Variants in COPE observed in about 807,000 individuals in gnomAD.
The protein encoded by COPE is coatomer subunit epsilon.
COPE carries 19 observed loss-of-function variants against 42.1 expected under a neutral mutation model. The observed-to-expected ratio is 0.45, with a 90% CI of 0.31 to 0.66. The LOEUF (loss-of-function observed/expected upper bound fraction) is 0.66. Among genes scored for constraint, COPE ranks in the 30% least tolerant of loss-of-function variants. The pLI is 0.05. For missense variants in COPE, 402 were observed against 416.1 expected (o/e 0.97, Z 0.30); for synonymous variants, 195 against 181.3 (o/e 1.08, Z -0.60).
rs369204587 is a variant in COPE at position 18,913,108 on chromosome 19, G to C, written c.127-62C>G. ...AGGCCCAGCGCAGCCCACACAGGGT[G>C]AGCATGACAGACAGGCCCCTGTACA... On this transcript the variant is annotated intron_variant, in intron 1 of 9. Coordinates refer to ENST00000262812, the MANE Select transcript of COPE (RefSeq NM_007263.4). The C allele has an allele frequency of 3.4e-3, 4,866 of 1,439,352 alleles. 20 individuals carry two copies. The highest frequency in any genetic ancestry group is 7.5e-3 in the Middle Eastern group (43 of 5,712). 89.2% of individuals were successfully genotyped at this position (1,439,352 alleles called of 1,614,324 possible). A position where few individuals can be genotyped will look rare whatever the true frequency, so the allele number is the denominator to read the frequency against.
At chr19:18,912,366 G>T (rs889496075) in intron 2 of COPE, among the ~76,000 whole-genome samples, 2 of 151,530 alleles carry the variant, frequency 1.3e-5, no homozygotes, top group Non-Finnish European at 2.9e-5. Context: ...GCCCAGGCTG[G>T]TCTTGAACTC....
Position 18,919,298 on chromosome 19 carries a change from G to A in COPE, c.51C>T (p.Asp17=). The stretch of plus-strand genomic sequence containing the variant: ...AGGCGTTCTTTACGTCGAACAGCTC[G>A]TCTACCTCCCCGGAGCCGCCGGAGG... ...GPASGGSGEV[D]ELFDVKNAFY... The change falls in exon 1 of 10, where the codon GAC becomes GAT. Residue 17 remains aspartate (D), a synonymous_variant. Transcript: ENST00000262812. 4 of 1,613,882 alleles carry A rather than the reference G, an allele frequency of 2.5e-6. No homozygotes were observed. Among genetic ancestry groups the A allele is most frequent in the Non-Finnish European group, 3.4e-6 (4 of 1,180,002 alleles).
chr19:18,918,308 T>TA (rs981634553), intron 1 of COPE, among the ~76,000 whole-genome samples: 1 of 151,910 alleles, frequency 6.6e-6, no homozygotes. Flanking sequence ...AAGCCTCTGA[T>TA]AAACTCTCCG....
At chr19:18,905,873 T>A (rs2056754325) in intron 4 of COPE, 1 of 547,302 alleles carries the variant, frequency 1.8e-6, no homozygotes, top group South Asian at 2.4e-5. Flanking sequence ...TCACCGCCCA[T>A]CTGGAGAAGC....
chr19:18,912,879 G>T, intron 2 of COPE, 105 bp downstream of exon 2: 1 of 1,117,140 alleles, frequency 9.0e-7, no homozygotes, highest in Non-Finnish European at 1.3e-6. Context: ...CTGGGTCCCT[G>T]CTTTGTTTAC....
chr19:18,911,116 G>A lies in COPE; in HGVS notation c.190-45C>T, dbSNP rs775085046. On this transcript the variant is annotated intron_variant, in intron 2 of 9. Transcript: ENST00000262812. Reference sequence around the variant, plus strand: ...TCAGCTGCACCCGTCCACCCCAGAGGATTTCCATGTCTTCAGCTTGGCAGG... The same window carrying A: ...TCAGCTGCACCCGTCCACCCCAGAGAATTTCCATGTCTTCAGCTTGGCAGG... 5.8e-6 allele frequency: 9 copies of A among 1,548,062 alleles called. No homozygotes were observed. In the South Asian group the frequency reaches 1.0e-4, roughly 17 times the overall value.
chr19:18,913,248 C>T (rs2056827214), intron 1 of COPE, among the ~76,000 whole-genome samples: 1 of 152,176 alleles, frequency 6.6e-6, no homozygotes, highest in African/African-American at 2.4e-5. Flanking sequence ...CTGATCTCAT[C>T]CCGCGCTGAC....
chr19:18,916,343 ACT>A (rs1460127937), intron 1 of COPE, among the ~76,000 whole-genome samples: 2 of 145,640 alleles, frequency 1.4e-5, no homozygotes, highest in Non-Finnish European at 1.5e-5. Context: ...ACAGAGTTAG[ACT>A]CTGTCTCAAA....
In COPE at chr19:18,902,793, G is replaced by GAAAGGAAGGA. The variant is rs146837423; in HGVS notation, c.735+474_735+475insTCCTTCCTTT. 2.0e-3 allele frequency among the ~76,000 whole-genome samples: 68 copies of GAAAGGAAGGA among 33,442 alleles called. 9 individuals carry two copies. Among genetic ancestry groups the GAAAGGAAGGA allele is most frequent in the Middle Eastern group, 0.024 (1 of 42 alleles). The allele number at this position is 33,442 out of a possible 152,430, so 21.9% of individuals were successfully genotyped here. ...GGAAAGAAGGAAGGAAGGAAGGAAG[G>GAAAGGAAGGA]AAGGAAGGAAGGAAGGAAGGAAGGA... On this transcript the variant is annotated intron_variant, in intron 7 of 9. Transcript: ENST00000262812.
In COPE at chr19:18,906,546, G is replaced by A. The variant is rs566289704; in HGVS notation, c.443+414C>T. On this transcript the variant is annotated intron_variant, in intron 4 of 9. Coordinates refer to ENST00000262812, the MANE Select transcript of COPE (RefSeq NM_007263.4). ...GGAGTCACATCCTAGGGTGGAGGGGGGCACCAACCTTGCAGGGCTTCAGCA... is the reference window on the plus strand; with the variant it reads ...GGAGTCACATCCTAGGGTGGAGGGGAGCACCAACCTTGCAGGGCTTCAGCA... The A allele has an allele frequency of 1.4e-4, 25 of 175,156 alleles. No homozygotes were observed. In the South Asian group the frequency reaches 3.6e-3, roughly 25 times the overall value. 10.9% of individuals were successfully genotyped at this position (175,156 alleles called of 1,614,324 possible).
intron 1 of COPE, among the ~76,000 whole-genome samples, chr19:18,918,208 AGAAAAG>A (rs2056875267): frequency 2.0e-5 from 3 of 149,796 alleles, no homozygotes; most frequent in Non-Finnish European, 4.4e-5. Flanking sequence ...AAAAAAGAAA[AGAAAAG>A]AAAAGAAAAA....
chr19:18,903,849 G>T (rs1184412206), intron 6 of COPE, among the ~76,000 whole-genome samples: 1 of 152,224 alleles, frequency 6.6e-6, no homozygotes. Flanking sequence ...GCCAAGGCAG[G>T]CAGTGAAAAC....
chr19:18,918,187 C>CAAAAAAAAAAAAAAAAAAA (rs771893763), intron 1 of COPE, among the ~76,000 whole-genome samples: 1 of 50,220 alleles, frequency 2.0e-5, no homozygotes, highest in African/African-American at 9.7e-5. Context: ...GTCTCCATCT[C>CAAAAAAAAAAAAAAAAAAA]AAAAAAAAAA....
In COPE at chr19:18,899,949, T is replaced by C; in HGVS notation, c.805-2A>G. The C allele has an allele frequency of 1.9e-6, 3 of 1,612,258 alleles. No homozygotes were observed. The highest frequency in any genetic ancestry group is 2.5e-6 in the Non-Finnish European group (3 of 1,179,236). The stretch of plus-strand genomic sequence containing the variant: ...CTGGGACAGGTATCGGTTTGTCACC[T>C]GCAGGGGAGGCAGGGAGGCAGGTGA... On this transcript the variant is annotated splice_acceptor_variant, in intron 8 of 9. Coordinates refer to ENST00000262812, the MANE Select transcript of COPE (RefSeq NM_007263.4). LOFTEE classifies it high-confidence loss of function.
At chr19:18,903,200 G>A (rs577465489) in intron 7 of COPE, 68 bp downstream of exon 7, 21 of 1,462,584 alleles carry the variant, frequency 1.4e-5, no homozygotes, top group Admixed American at 5.0e-5. Context: ...GTTTCTGTCC[G>A]CCCTGACCCC....
chr19:18,919,089 G>A, intron 1 of COPE, 134 bp downstream of exon 1: 3 of 846,018 alleles, frequency 3.5e-6, no homozygotes, highest in Non-Finnish European at 3.7e-6. Context: ...ACTCCTCACT[G>A]AACTGTGGAA....
chr19:18,903,526 G>A (rs568543074), intron 6 of COPE, 103 bp from the exon 7 acceptor site: 57 of 1,343,646 alleles, frequency 4.2e-5, no homozygotes, highest in East Asian at 5.4e-5. Flanking sequence ...GCACAGAGAC[G>A]AATCTGGTGT....
chr19:18,916,653 T>C (rs1004101450), intron 1 of COPE, among the ~76,000 whole-genome samples: 2 of 151,686 alleles, frequency 1.3e-5, no homozygotes, highest in African/African-American at 4.9e-5. Context: ...CTGGGTGTGG[T>C]GGCACACGCC....
rs1460648390 is a variant in COPE at position 18,915,344 on chromosome 19, C to T, written c.127-2298G>A. Among the ~76,000 whole-genome samples the T allele has an allele frequency of 5.9e-5, 9 of 152,224 alleles. No individual in the cohort carries two copies. In the East Asian group the frequency reaches 1.5e-3, roughly 26 times the overall value. On this transcript the variant is annotated intron_variant, in intron 1 of 9. Coordinates refer to ENST00000262812, the MANE Select transcript of COPE (RefSeq NM_007263.4). Reference sequence around the variant, plus strand: ...AAATGCAGGTGCCCAGGAGACTGTGCGTGCGGAAGTGCTCAGAGGCTGCAG... The same window carrying T: ...AAATGCAGGTGCCCAGGAGACTGTGTGTGCGGAAGTGCTCAGAGGCTGCAG...
Sources: allele counts gnomAD v4.1 joint callset (sites outside exome capture counted in the v4.1 genomes callset), GRCh38; gene constraint gnomAD v4.1.1; transcripts MANE v1.5; gene names NCBI Gene and HGNC (gene_info 2026-07-23, HGNC 2026-07-21).